Variants in SORCS3 observed in about 807,000 individuals in gnomAD.
The protein encoded by SORCS3 is sortilin related VPS10 domain containing receptor 3, also known as VPS10 domain-containing receptor SorCS3.
In SORCS3, 57 loss-of-function variants were observed where a neutral mutation model predicts 146.3. The observed-to-expected ratio is 0.39, with a 90% CI of 0.31 to 0.49. The LOEUF (loss-of-function observed/expected upper bound fraction) is 0.49. Among genes scored for constraint, SORCS3 ranks in the 20% least tolerant of loss-of-function variants. The pLI is 0.92. For synonymous variants in SORCS3, 653 were observed against 618.5 expected, an observed-to-expected ratio of 1.06 and a Z score of -0.83; for missense variants, 1,341 against 1,575.5, an observed-to-expected ratio of 0.85 and a Z score of 2.52.
chr10:105,203,060 G>T (rs753209337), intron 16 of SORCS3, among the ~76,000 whole-genome samples: 1 of 152,132 alleles, frequency 6.6e-6, no homozygotes, highest in Non-Finnish European at 1.5e-5. Flanking sequence ...CATCCAGCTG[G>T]TTTTTTAGCT....
chr10:104,951,870 CA>C (rs1429194347), intron 3 of SORCS3, among the ~76,000 whole-genome samples: 1 of 152,104 alleles, frequency 6.6e-6, no homozygotes, highest in Non-Finnish European at 1.5e-5. Context: ...CAATAGTGTC[CA>C]CTTTTGTGGG....
intron 14 of SORCS3, among the ~76,000 whole-genome samples, chr10:105,189,580 T>C (rs992375431): frequency 6.6e-6 from 1 of 152,152 alleles, no homozygotes; most frequent in Non-Finnish European, 1.5e-5. Flanking sequence ...TGTGAATCAC[T>C]TCTCTACTCT....
chr10:104,910,553 G>A (rs1295312884), intron 2 of SORCS3, among the ~76,000 whole-genome samples: 4 of 152,212 alleles, frequency 2.6e-5, no homozygotes, highest in Non-Finnish European at 5.9e-5. Flanking sequence ...CAAGCCGAAT[G>A]TTGGGTGAAA....
intron 1 of SORCS3, among the ~76,000 whole-genome samples, chr10:104,838,482 G>GGTTA (rs2018097849): frequency 6.6e-6 from 1 of 152,080 alleles, no homozygotes; most frequent in Non-Finnish European, 1.5e-5. Flanking sequence ...TAAGCCTGAA[G>GGTTA]GTTACATTAT....
intron 1 of SORCS3, among the ~76,000 whole-genome samples, chr10:104,799,575 A>G (rs547594681): frequency 9.2e-5 from 14 of 152,136 alleles, no homozygotes; most frequent in Non-Finnish European, 1.6e-4. Flanking sequence ...GGATAACATC[A>G]GGAGAGATAC....
intron 5 of SORCS3, among the ~76,000 whole-genome samples, chr10:105,077,902 A>T (rs1251464747): frequency 6.6e-6 from 1 of 152,128 alleles, no homozygotes; most frequent in African/African-American, 2.4e-5. Context: ...GGGGCTAGGG[A>T]GCAGTTGACA....
intron 1 of SORCS3, among the ~76,000 whole-genome samples, chr10:104,685,856 G>T (rs1270485076): frequency 6.6e-6 from 1 of 152,178 alleles, no homozygotes. Context: ...GTTTTCTAGG[G>T]AGTGGAACAT....
chr10:104,788,438 A>T (rs1159890289), intron 1 of SORCS3, among the ~76,000 whole-genome samples: 2 of 152,210 alleles, frequency 1.3e-5, no homozygotes, highest in Non-Finnish European at 1.5e-5. Flanking sequence ...ACGGTGCAGT[A>T]TATATAGTAT....
In SORCS3 at chr10:105,214,550, G is replaced by A. The variant is rs904560113; in HGVS notation, c.2484G>A (p.Thr828=). ...GKAPRGLHVV[T]TDGRLVAEQG... is the part of the protein sequence containing the mutation. ...CCCCTCGGGGCCTCCATGTGGTGACGACCGATGGGCGGCTGGTGGCAGAGC... is the reference window on the plus strand; with the variant it reads ...CCCCTCGGGGCCTCCATGTGGTGACAACCGATGGGCGGCTGGTGGCAGAGC... Residue 828 remains threonine, a synonymous_variant, in exon 18 of 27, where the codon ACG becomes ACA. Transcript: ENST00000369701. 4.3e-6 allele frequency: 7 copies of A among 1,611,302 alleles called. No homozygotes were observed. The highest frequency in any genetic ancestry group is 1.7e-5 in the Admixed American group (1 of 59,292).
chr10:104,986,868 T>C (rs948776909), intron 4 of SORCS3, among the ~76,000 whole-genome samples: 4 of 152,156 alleles, frequency 2.6e-5, no homozygotes, highest in Non-Finnish European at 5.9e-5. Context: ...TGATCACAGA[T>C]CATCATAACA....
chr10:105,053,202 A>G (rs919242758), intron 5 of SORCS3, among the ~76,000 whole-genome samples: 4 of 152,132 alleles, frequency 2.6e-5, no homozygotes, highest in African/African-American at 9.7e-5. Flanking sequence ...CCTTATCTTC[A>G]GATACCATCA....
chr10:104,916,229 A>G (rs1008203594), intron 3 of SORCS3, among the ~76,000 whole-genome samples: 1 of 152,206 alleles, frequency 6.6e-6, no homozygotes, highest in Non-Finnish European at 1.5e-5. Context: ...CCATTTTGCA[A>G]GAGAAGCTCA....
At chr10:104,669,469 C>A (rs1242704609) in intron 1 of SORCS3, among the ~76,000 whole-genome samples, 11 of 152,156 alleles carry the variant, frequency 7.2e-5, no homozygotes, top group Admixed American at 7.2e-4. Context: ...ATTACTCTAG[C>A]TACCTTAATA....
chr10:105,057,406 G>A (rs1264813872), intron 5 of SORCS3, among the ~76,000 whole-genome samples: 1 of 152,084 alleles, frequency 6.6e-6, no homozygotes. Flanking sequence ...ACAGTCTCCA[G>A]GTTGTCTTTC....
chr10:105,257,337 G>T (rs960108036), intron 25 of SORCS3, among the ~76,000 whole-genome samples: 2 of 152,262 alleles, frequency 1.3e-5, no homozygotes, highest in Non-Finnish European at 2.9e-5. Flanking sequence ...TACAGACACC[G>T]ATGCATTTTT....
At chr10:104,829,839 A>G (rs1388859952) in intron 1 of SORCS3, among the ~76,000 whole-genome samples, 1 of 152,046 alleles carries the variant, frequency 6.6e-6, no homozygotes, top group Admixed American at 6.6e-5. Flanking sequence ...ATATCCTTGT[A>G]TCTCCCAGCC....
At chr10:105,054,564 G>A (rs919819467) in intron 5 of SORCS3, among the ~76,000 whole-genome samples, 4 of 150,206 alleles carry the variant, frequency 2.7e-5, no homozygotes, top group African/African-American at 7.4e-5. Context: ...AAGATTTATA[G>A]GATTTCTTTT....
chr10:105,049,365 C>G (rs1564742553), intron 5 of SORCS3, among the ~76,000 whole-genome samples: 1 of 151,992 alleles, frequency 6.6e-6, no homozygotes, highest in Non-Finnish European at 1.5e-5. Flanking sequence ...TGTCCACAGT[C>G]CATCCCCTTC....
At chr10:105,154,705 T>C (rs1032363104) in intron 9 of SORCS3, among the ~76,000 whole-genome samples, 17 of 152,208 alleles carry the variant, frequency 1.1e-4, no homozygotes, top group Admixed American at 9.2e-4. Context: ...TTGCATTTAG[T>C]GAGGGTGCGT....
Sources: allele counts gnomAD v4.1 joint callset (sites outside exome capture counted in the v4.1 genomes callset), GRCh38; gene constraint gnomAD v4.1.1; transcripts MANE v1.5; gene names NCBI Gene and HGNC (gene_info 2026-07-23, HGNC 2026-07-21).